Variants in LSR observed in about 807,000 individuals in gnomAD.
The protein encoded by LSR is lipolysis stimulated lipoprotein receptor, also known as lipolysis-stimulated lipoprotein receptor.
Under a neutral mutation model 61.8 loss-of-function variants are expected in LSR, and 44 were observed. The observed-to-expected ratio is 0.71, with a 90% CI of 0.56 to 0.91. The LOEUF is 0.91. Among genes scored for constraint, LSR ranks in the 40% least tolerant of loss-of-function variants. The pLI is 0.00. For synonymous variants in LSR, 397 were observed against 350.6 expected, an observed-to-expected ratio of 1.13 and a Z score of -1.48; for missense variants, 911 against 830.5, an observed-to-expected ratio of 1.10 and a Z score of -1.19.
chr19:35,260,833 AACAC>A (rs139397551), intron 3 of LSR, among the ~76,000 whole-genome samples: 3 of 149,254 alleles, frequency 2.0e-5, no homozygotes, highest in East Asian at 2.0e-4. Context: ...AAGAAACACA[AACAC>A]ACACACACAC....
intron 2 of LSR, among the ~76,000 whole-genome samples, chr19:35,253,865 A>AC (rs1466657207): frequency 1.3e-5 from 2 of 151,526 alleles, no homozygotes; most frequent in Non-Finnish European, 2.9e-5. Flanking sequence ...GTCCAGGATG[A>AC]CCCCCCAGGC....
intron 5 of LSR, among the ~76,000 whole-genome samples, chr19:35,263,280 CA>C (rs529359103): frequency 1.2e-4 from 14 of 116,702 alleles, no homozygotes; most frequent in East Asian, 2.4e-4. Flanking sequence ...GACTCTGTCT[CA>C]AAAAAAAAAG....
At chr19:35,265,876 C>T (rs2065990651) in intron 5 of LSR, among the ~76,000 whole-genome samples, 1 of 152,090 alleles carries the variant, frequency 6.6e-6, no homozygotes, top group Admixed American at 6.6e-5. Context: ...GGCTTGGCTG[C>T]CAAAGAGGAT....
rs1451938766 is a variant in LSR, at chr19:35,267,619, CGGAGGAGAGGAGGAGACCCCACAA to C, written c.1663_1686del (p.Arg555_Glu562del). ...GAGGAGGCTGTGAGGAAGAAGGGGT[CGGAGGAGAGGAGGAGACCCCACAA>C]GGAGGAGGAGGAAGAGGCCTACTAC... On this transcript the variant is annotated inframe_deletion, in exon 9 of 10. Transcript: ENST00000605618. 6.2e-7 allele frequency: 1 copy of C among 1,612,116 alleles called. No homozygotes were observed.
At chr19:35,262,891 A>C in intron 5 of LSR, 199 bp downstream of exon 5, 1 of 608,374 alleles carries the variant, frequency 1.6e-6, no homozygotes, top group Non-Finnish European at 2.8e-6. Context: ...ATTTTTATTT[A>C]TGTTGTTCTT....
intron 3 of LSR, 29 bp downstream of exon 3, chr19:35,259,093 G>T (rs1321677938): frequency 1.2e-6 from 2 of 1,604,514 alleles, no homozygotes; most frequent in South Asian, 1.1e-5. Flanking sequence ...GGGGAGGCAT[G>T]GCCCTTCCTT....
At position 35,267,185 on chromosome 19, in the gene LSR, C is replaced by G. The variant is rs1405492584; in HGVS notation, c.1221C>G (p.Ile407Met). ...RPSRGPALTPIRDEEWGGHSP... is the reference protein window; with the variant it reads ...RPSRGPALTPMRDEEWGGHSP... ...CCCGGGGCCCTGCCCTCACCCCGAT[C>G]CGGGATGAGGAGTGGGGTGGCCACT... Residue 407 changes from isoleucine (I) to methionine (M), a missense_variant, in exon 9 of 10, where the codon ATC becomes ATG. Coordinates refer to ENST00000605618, the MANE Select transcript of LSR (RefSeq NM_205834.4). 3 of 1,524,374 alleles carry G rather than the reference C, an allele frequency of 2.0e-6. No homozygotes were observed. The highest frequency in any genetic ancestry group is 2.6e-6 in the Non-Finnish European group (3 of 1,139,506). 94.4% of individuals were successfully genotyped at this position (1,524,374 alleles called of 1,614,324 possible). A position where few individuals can be genotyped will look rare whatever the true frequency, so the allele number is the denominator to read the frequency against.
intron 2 of LSR, among the ~76,000 whole-genome samples, chr19:35,256,769 G>A (rs2065862535): frequency 6.6e-6 from 1 of 152,170 alleles, no homozygotes; most frequent in Non-Finnish European, 1.5e-5. Flanking sequence ...CCAGCCATGT[G>A]CCCAGAATGA....
At chr19:35,256,368 A>G (rs2065856726) in intron 2 of LSR, among the ~76,000 whole-genome samples, 1 of 152,272 alleles carries the variant, frequency 6.6e-6, no homozygotes, top group Admixed American at 6.5e-5. Flanking sequence ...TATGAAAAAA[A>G]TAATCATTTT....
At chr19:35,262,404 C>G in intron 4 of LSR, 142 bp from the exon 5 acceptor site, 6 of 947,626 alleles carry the variant, frequency 6.3e-6, no homozygotes, top group East Asian at 2.4e-5. Flanking sequence ...CACAAAAAAT[C>G]CAGCCAGGGC....
In LSR at chr19:35,267,458, C is replaced by T. The variant is rs780894469; in HGVS notation, c.1494C>T (p.Ser498=). 1.9e-5 allele frequency: 31 copies of T among 1,610,602 alleles called. No individual in the cohort carries two copies. Among genetic ancestry groups the T allele is most frequent in the Non-Finnish European group, 2.4e-5 (28 of 1,179,450 alleles). ...ACGACTCGAGGGACTTCCCACGCTC[C>T]CGGGACCCCCACTACGACGACTTCA... The part of the protein sequence containing the change: ...DQDDSRDFPR[S]RDPHYDDFRS... Residue 498 remains serine (S), a synonymous_variant, in exon 9 of 10, where the codon TCC becomes TCT. Transcript: ENST00000605618.
In LSR at chr19:35,250,656, G is replaced by C. The variant is rs754064356; in HGVS notation, c.451G>C (p.Gly151Arg). 6.4e-7 allele frequency: 1 copy of C among 1,554,152 alleles called. No individual in the cohort carries two copies. Among genetic ancestry groups the C allele is most frequent in the East Asian group, 2.3e-5 (1 of 43,976 alleles). Reference sequence around the variant, plus strand: ...CCAGGGCCGGAGGATTACCATCACCGGAAGTATGTTGGGCAGGGCAGGGGG... The same window carrying C: ...CCAGGGCCGGAGGATTACCATCACCCGAAGTATGTTGGGCAGGGCAGGGGG... The part of the protein sequence containing the change: ...YYQGRRITIT[G>R]NADLTFDQTA... Residue 151 changes from glycine (G) to arginine (R), a missense_variant, in exon 2 of 10, where the codon GGA becomes CGA. Gly to Arg is a moderately radical substitution (Grantham distance 125). Transcript: ENST00000605618.
Position 35,267,384 on chromosome 19 carries a change from G to T in LSR, c.1420G>T (p.Ala474Ser). 1 of 1,602,476 alleles carries T rather than the reference G, an allele frequency of 6.2e-7. No individual in the cohort carries two copies. Among genetic ancestry groups the T allele is most frequent in the Non-Finnish European group, 8.5e-7 (1 of 1,175,364 alleles). The change falls in exon 9 of 10, where the codon GCC becomes TCC. Residue 474 changes from alanine to serine, a missense_variant. Coordinates refer to ENST00000605618, the MANE Select transcript of LSR (RefSeq NM_205834.4). ...SPTSNGGRSR[A>S]YMPPRSRSRD... ...CACGAGTAATGGTGGGAGAAGCCGGGCCTACATGCCCCCGCGGAGCCGCAG... is the reference window on the plus strand; with the variant it reads ...CACGAGTAATGGTGGGAGAAGCCGGTCCTACATGCCCCCGCGGAGCCGCAG...
At chr19:35,255,705 C>CCCTG (rs879801205) in intron 2 of LSR, among the ~76,000 whole-genome samples, 14 of 152,216 alleles carry the variant, frequency 9.2e-5, no homozygotes, top group Non-Finnish European at 1.9e-4. Flanking sequence ...CGGAAGCCTT[C>CCCTG]CCTGGCCTCC....
chr19:35,251,343 A>G (rs2145491937), intron 2 of LSR: 1 of 152,372 alleles, frequency 6.6e-6, no homozygotes, highest in Non-Finnish European at 1.5e-5. Context: ...GGTTTGTTCT[A>G]TAATCATTAA....
chr19:35,249,313 G>A (rs1194374968), intron 1 of LSR, 182 bp downstream of exon 1: 1 of 695,756 alleles, frequency 1.4e-6, no homozygotes, highest in Non-Finnish European at 2.2e-6. Context: ...TTTGTGCCGG[G>A]GAGCGCTCCC....
chr19:35,253,184 G>C (rs1348676320), intron 2 of LSR: 1 of 152,270 alleles, frequency 6.6e-6, no homozygotes, highest in East Asian at 1.9e-4. Flanking sequence ...GCCGGGCGTG[G>C]TGGTGGGCGC....
Position 35,267,938 on chromosome 19 carries a change from C to A in LSR, c.*79C>A. 1 of 1,501,656 alleles carries A rather than the reference C, an allele frequency of 6.7e-7. No homozygotes were observed. The highest frequency in any genetic ancestry group is 1.7e-5 in the Admixed American group (1 of 57,962). The allele number at this position is 1,501,656 out of a possible 1,614,324, so 93.0% of individuals were successfully genotyped here. A position where few individuals can be genotyped will look rare whatever the true frequency, so the allele number is the denominator to read the frequency against. ...TGATGAAGCCCTGCCATACCCCTCC[C>A]GAGTCTAATAAAACGTATAATCACA... is the stretch of plus-strand genomic sequence containing the variant. On this transcript the variant is annotated 3_prime_UTR_variant, in exon 10 of 10. Transcript: ENST00000605618.
At chr19:35,250,700 G>C (rs780887241) in intron 2 of LSR, 41 bp downstream of exon 2, 5 of 1,461,640 alleles carry the variant, frequency 3.4e-6, no homozygotes, top group Non-Finnish European at 4.6e-6. Flanking sequence ...GGGCTTGCCC[G>C]GGTGGTGGGA....
Sources: allele counts gnomAD v4.1 joint callset (sites outside exome capture counted in the v4.1 genomes callset), GRCh38; gene constraint gnomAD v4.1.1; transcripts MANE v1.5; gene names NCBI Gene and HGNC (gene_info 2026-07-23, HGNC 2026-07-21).